The following ATXN1 variants were observed in gnomAD, a reference collection of about 807,000 sequenced individuals.
The protein encoded by ATXN1 is ataxin 1.
A neutral mutation model predicts 56.4 loss-of-function variants in ATXN1; 8 were observed. The ratio of observed to expected loss-of-function variants is 0.14; its 90% CI spans 0.08 to 0.26. The LOEUF is 0.26. Among genes scored for constraint, ATXN1 ranks in the 10% least tolerant of loss-of-function variants. The pLI is 1.00. For synonymous variants in ATXN1, 514 were observed against 494.6 expected, an observed-to-expected ratio of 1.04 and a Z score of -0.52; for missense variants, 987 against 1,106.5, an observed-to-expected ratio of 0.89 and a Z score of 1.53.
intron 4 of ATXN1, among the ~76,000 whole-genome samples, chr6:16,531,991 C>A (rs1435994346): frequency 3.3e-5 from 5 of 152,184 alleles, no homozygotes; most frequent in Non-Finnish European, 5.9e-5. Flanking sequence ...GGAGCAAATG[C>A]TTTAGGCTGT....
At chr6:16,379,213 G>A (rs537592320) in intron 6 of ATXN1, among the ~76,000 whole-genome samples, 1 of 152,266 alleles carries the variant, frequency 6.6e-6, no homozygotes, top group South Asian at 2.1e-4. Context: ...TAAGCTATGA[G>A]GATGCAAAGG....
chr6:16,299,505 T>G lies in ATXN1; in HGVS notation c.*6824A>C, dbSNP rs946612122. On this transcript the variant is annotated 3_prime_UTR_variant, in exon 8 of 8. Coordinates refer to ENST00000436367, the MANE Select transcript of ATXN1 (RefSeq NM_001128164.2). ...ACTATTATGTATGCACTTAAAATTTTCTTTTCAATAAGGTGCAAAACATCA... is the reference window on the plus strand; with the variant it reads ...ACTATTATGTATGCACTTAAAATTTGCTTTTCAATAAGGTGCAAAACATCA... The G allele has an allele frequency of 2.0e-5, 3 of 152,680 alleles. No individual in the cohort carries two copies. The highest frequency in any genetic ancestry group is 4.4e-5 in the Non-Finnish European group (3 of 68,050). 9.5% of individuals were successfully genotyped at this position (152,680 alleles called of 1,614,324 possible).
At chr6:16,674,367 G>C (rs1238278521) in intron 2 of ATXN1, among the ~76,000 whole-genome samples, 1 of 129,136 alleles carries the variant, frequency 7.7e-6, no homozygotes. Flanking sequence ...TTTTGAGACG[G>C]AGTCTCGCTC....
chr6:16,741,117 G>C (rs1169391568), intron 2 of ATXN1, among the ~76,000 whole-genome samples: 2 of 152,150 alleles, frequency 1.3e-5, no homozygotes, highest in Non-Finnish European at 2.9e-5. Flanking sequence ...CTAACCACTG[G>C]AATCTAGTAA....
chr6:16,642,559 A>G (rs1763724669), intron 3 of ATXN1, among the ~76,000 whole-genome samples: 1 of 152,250 alleles, frequency 6.6e-6, no homozygotes, highest in Non-Finnish European at 1.5e-5. Context: ...TCTAACTTTG[A>G]AAGTTCTACT....
intron 6 of ATXN1, among the ~76,000 whole-genome samples, chr6:16,353,978 TG>T (rs1261770455): frequency 6.6e-6 from 1 of 152,202 alleles, no homozygotes; most frequent in Non-Finnish European, 1.5e-5. Flanking sequence ...GCAGCTAGGT[TG>T]GGGAACTACT....
intron 4 of ATXN1, among the ~76,000 whole-genome samples, chr6:16,550,150 A>G (rs1761892758): frequency 7.4e-6 from 1 of 135,250 alleles, no homozygotes; most frequent in Non-Finnish European, 1.6e-5. Flanking sequence ...TAAATAAATA[A>G]AATACAAAAA....
chr6:16,644,513 C>CAAA (rs368108627), intron 3 of ATXN1, among the ~76,000 whole-genome samples: 64 of 92,210 alleles, frequency 6.9e-4, no homozygotes, highest in African/African-American at 2.2e-3. Context: ...GACTCCGTTT[C>CAAA]AAAAAAAAAA....
chr6:16,553,709 C>T (rs767799561), intron 4 of ATXN1, among the ~76,000 whole-genome samples: 1 of 152,246 alleles, frequency 6.6e-6, no homozygotes, highest in African/African-American at 2.4e-5. Flanking sequence ...TGTCTGTTAC[C>T]GCATGGGCCC....
intron 4 of ATXN1, among the ~76,000 whole-genome samples, chr6:16,525,266 A>G (rs1412495338): frequency 6.6e-6 from 1 of 152,242 alleles, no homozygotes; most frequent in Admixed American, 6.5e-5. Context: ...ATTTGGAAGC[A>G]ATCTAAATGT....
At chr6:16,599,326 G>A (rs979353601) in intron 3 of ATXN1, among the ~76,000 whole-genome samples, 1 of 152,030 alleles carries the variant, frequency 6.6e-6, no homozygotes, top group Admixed American at 6.6e-5. Flanking sequence ...AAACAGATTT[G>A]TGCACTGAGA....
intron 6 of ATXN1, among the ~76,000 whole-genome samples, chr6:16,350,981 G>A (rs539747838): frequency 2.6e-5 from 4 of 152,304 alleles, no homozygotes; most frequent in Admixed American, 1.3e-4. Flanking sequence ...CAACTTGGGA[G>A]GCTGAGGTGG....
chr6:16,713,741 C>T (rs1759574263), intron 2 of ATXN1, among the ~76,000 whole-genome samples: 1 of 152,246 alleles, frequency 6.6e-6, no homozygotes, highest in Non-Finnish European at 1.5e-5. Flanking sequence ...TACATATTCT[C>T]AGGCTCCACC....
At chr6:16,395,280 A>AAAAAAAAAAAAAC in intron 6 of ATXN1, among the ~76,000 whole-genome samples, 1 of 151,182 alleles carries the variant, frequency 6.6e-6, no homozygotes, top group Non-Finnish European at 1.5e-5. Context: ...CAAAAAAAAA[A>AAAAAAAAAAAAAC]AAAAAAAAAA....
At chr6:16,488,220 A>G (rs930354683) in intron 5 of ATXN1, among the ~76,000 whole-genome samples, 1 of 152,182 alleles carries the variant, frequency 6.6e-6, no homozygotes, top group African/African-American at 2.4e-5. Context: ...ACAGTGAAGT[A>G]AAAGGAAGCT....
intron 5 of ATXN1, among the ~76,000 whole-genome samples, chr6:16,489,249 T>A (rs1014975539): frequency 5.3e-5 from 8 of 152,148 alleles, no homozygotes; most frequent in African/African-American, 1.9e-4. Flanking sequence ...ACTTAAATGA[T>A]CCATATCCAA....
intron 3 of ATXN1, among the ~76,000 whole-genome samples, chr6:16,641,451 T>A (rs1763704120): frequency 6.6e-6 from 1 of 152,258 alleles, no homozygotes. Context: ...CTAATAATTA[T>A]GCTGAATCTA....
intron 6 of ATXN1, among the ~76,000 whole-genome samples, chr6:16,437,252 G>A (rs1265297980): frequency 6.6e-6 from 1 of 152,228 alleles, no homozygotes; most frequent in Non-Finnish European, 1.5e-5. Context: ...GCTACTTTCC[G>A]CTACTTTCCA....
chr6:16,324,893 G>A (rs776568123), intron 7 of ATXN1, among the ~76,000 whole-genome samples: 5 of 152,152 alleles, frequency 3.3e-5, no homozygotes, highest in South Asian at 2.1e-4. Context: ...TATTAACCAC[G>A]CTTTTATTTT....
Sources: allele counts gnomAD v4.1 joint callset (sites outside exome capture counted in the v4.1 genomes callset), GRCh38; gene constraint gnomAD v4.1.1; transcripts MANE v1.5; gene names NCBI Gene and HGNC (gene_info 2026-07-23, HGNC 2026-07-21).